The following SLC8A1 variants were observed in gnomAD, a reference collection of about 807,000 sequenced individuals.
The protein encoded by SLC8A1 is solute carrier family 8 member A1, also known as sodium/calcium exchanger 1.
In SLC8A1, 18 loss-of-function variants were observed where a neutral mutation model predicts 68.3. That is an observed-to-expected ratio of 0.26 (90% CI 0.18 to 0.39). The LOEUF (loss-of-function observed/expected upper bound fraction) is 0.39. Among genes scored for constraint, SLC8A1 ranks in the 10% least tolerant of loss-of-function variants. The probability of loss-of-function intolerance (pLI) is 1.00; values close to 1 mark genes in which losing one functional copy is unlikely to be tolerated. For synonymous variants in SLC8A1, 475 were observed against 415.5 expected, an observed-to-expected ratio of 1.14 and a Z score of -1.74; for missense variants, 985 against 1,156.7, an observed-to-expected ratio of 0.85 and a Z score of 2.15.
chr2:40,201,769 C>A (rs1038422534), intron 2 of SLC8A1, among the ~76,000 whole-genome samples: 2 of 151,930 alleles, frequency 1.3e-5, no homozygotes, highest in Non-Finnish European at 2.9e-5. Flanking sequence ...TGCATGAGTT[C>A]TTGGTCCCCA....
At chr2:40,471,449 A>G (rs980854058) in intron 1 of SLC8A1, among the ~76,000 whole-genome samples, 1 of 152,124 alleles carries the variant, frequency 6.6e-6, no homozygotes, top group Non-Finnish European at 1.5e-5. Flanking sequence ...TCATCCATCA[A>G]TGTCTAAACT....
At chr2:40,256,858 GC>G (rs1275453922) in intron 2 of SLC8A1, among the ~76,000 whole-genome samples, 1 of 152,104 alleles carries the variant, frequency 6.6e-6, no homozygotes, top group Non-Finnish European at 1.5e-5. Context: ...ACCTGGGACA[GC>G]CTTTTGCATT....
At chr2:40,445,218 A>G (rs1701225269) in intron 1 of SLC8A1, among the ~76,000 whole-genome samples, 1 of 152,242 alleles carries the variant, frequency 6.6e-6, no homozygotes, top group South Asian at 2.1e-4. Context: ...AATGTCAAAT[A>G]TGCCATCTTT....
chr2:40,181,135 T>C (rs1264454039), intron 2 of SLC8A1, among the ~76,000 whole-genome samples: 1 of 152,104 alleles, frequency 6.6e-6, no homozygotes, highest in Non-Finnish European at 1.5e-5. Context: ...AATTTTTGCA[T>C]TTTTAGTAGA....
intron 1 of SLC8A1, chr2:40,446,706 T>C (rs1701512090): frequency 1.3e-5 from 2 of 152,222 alleles, no homozygotes; most frequent in Non-Finnish European, 2.9e-5. Flanking sequence ...TATTAACCAT[T>C]ACTTGTTAGC....
At chr2:40,484,820 T>C (rs1704850978) in intron 1 of SLC8A1, among the ~76,000 whole-genome samples, 2 of 152,186 alleles carry the variant, frequency 1.3e-5, no homozygotes, top group African/African-American at 2.4e-5. Flanking sequence ...TGGAGGGTCA[T>C]GTTAGGTTCT....
At chr2:40,097,298 G>A (rs1009130414) in exon 8 of SLC8A1, 2 of 150,848 alleles carry the variant, frequency 1.3e-5, no homozygotes, top group African/African-American at 4.9e-5. Context: ...TTATATTTCA[G>A]TGTTAGGAAA....
chr2:40,453,376 T>G (rs114260051), upstream of SLC8A1: 2,103 of 149,868 alleles, frequency 0.014, 56 homozygotes, highest in African/African-American at 0.048. Flanking sequence ...AGAAAGTTAG[T>G]TTTTTTTCGT....
intron 1 of SLC8A1, among the ~76,000 whole-genome samples, chr2:40,463,316 G>A (rs56298335): frequency 0.14 from 22,040 of 152,124 alleles, 1,710 homozygotes; most frequent in Middle Eastern, 0.22. Flanking sequence ...TCTAATGCAC[G>A]CAGCCAGTGA....
At chr2:40,359,679 T>C (rs1376192324) in intron 2 of SLC8A1, among the ~76,000 whole-genome samples, 2 of 152,202 alleles carry the variant, frequency 1.3e-5, no homozygotes, top group East Asian at 3.9e-4. Flanking sequence ...TTGAGTATGT[T>C]ACTGAGAAAC....
chr2:40,125,176 C>T (rs1225012468), intron 7 of SLC8A1, among the ~76,000 whole-genome samples: 4 of 152,092 alleles, frequency 2.6e-5, no homozygotes, highest in Non-Finnish European at 4.4e-5. Context: ...TCAGCTTTTT[C>T]CTGGTCCTTT....
intron 2 of SLC8A1, among the ~76,000 whole-genome samples, chr2:40,187,827 G>A (rs994454969): frequency 3.9e-5 from 6 of 152,158 alleles, no homozygotes; most frequent in African/African-American, 1.4e-4. Flanking sequence ...TATTATGGTA[G>A]GTTTCAGAGA....
intron 2 of SLC8A1, among the ~76,000 whole-genome samples, chr2:40,277,805 T>C (rs2066947083): frequency 2.2e-5 from 2 of 89,904 alleles, no homozygotes; most frequent in Non-Finnish European, 2.3e-5. Flanking sequence ...TATATATATA[T>C]ATATATATAT....
intron 2 of SLC8A1, among the ~76,000 whole-genome samples, chr2:40,425,591 G>A (rs55929619): frequency 0.11 from 17,426 of 151,606 alleles, 1,338 homozygotes; most frequent in Middle Eastern, 0.21. Flanking sequence ...ACTTAATAAA[G>A]CTTGGTGGCG....
At chr2:40,303,639 T>C (rs2071982889) in intron 2 of SLC8A1, among the ~76,000 whole-genome samples, 2 of 152,180 alleles carry the variant, frequency 1.3e-5, no homozygotes, top group African/African-American at 2.4e-5. Flanking sequence ...TTGCAAGGCC[T>C]AGTTATAAGC....
chr2:40,460,154 C>T (rs1203337975), intron 1 of SLC8A1, among the ~76,000 whole-genome samples: 1 of 151,938 alleles, frequency 6.6e-6, no homozygotes, highest in Admixed American at 6.6e-5. Context: ...AGATTTGAAG[C>T]CTAAAATAGA....
chr2:40,232,852 G>C (rs1375379666), intron 2 of SLC8A1, among the ~76,000 whole-genome samples: 2 of 143,344 alleles, frequency 1.4e-5, no homozygotes, highest in Admixed American at 7.2e-5. Context: ...TGCGGTGTTT[G>C]GTTTTTTGTT....
At chr2:40,496,764 T>C (rs993005734) in intron 1 of SLC8A1, among the ~76,000 whole-genome samples, 2 of 151,934 alleles carry the variant, frequency 1.3e-5, no homozygotes, top group African/African-American at 4.8e-5. Flanking sequence ...GCATGAGTAA[T>C]GTTAAAAAAT....
chr2:40,506,489 C>T (rs1026326634), intron 1 of SLC8A1, among the ~76,000 whole-genome samples: 2 of 151,806 alleles, frequency 1.3e-5, no homozygotes, highest in African/African-American at 4.8e-5. Flanking sequence ...TTCTTTATAA[C>T]AAAACTTTGG....
Sources: gnomAD v4.1 joint callset for allele counts (sites outside exome capture counted in the v4.1 genomes callset) on GRCh38, gnomAD v4.1.1 for gene constraint, MANE v1.5 for transcripts, NCBI Gene and HGNC (gene_info 2026-07-23, HGNC 2026-07-21) for gene names.